Variants in MB21D2 observed in about 807,000 individuals in gnomAD.
MB21D2 encodes the protein nucleotidyltransferase MB21D2.
Under a neutral mutation model 33.3 loss-of-function variants are expected in MB21D2, and 9 were observed. The observed-to-expected ratio is 0.27, with a 90% CI of 0.16 to 0.47. The LOEUF (loss-of-function observed/expected upper bound fraction) is 0.47, where lower values mean the gene tolerates loss of function less well. MB21D2 is among the 20% of genes least tolerant of loss of function. The pLI, the probability that MB21D2 is intolerant of heterozygous loss-of-function variation, is 0.99. For missense variants in MB21D2, 540 were observed against 624.6 expected (o/e 0.86, Z 1.44); for synonymous variants, 241 against 236.3 (o/e 1.02, Z -0.18).
At position 192,831,045 on chromosome 3, in the gene MB21D2, CA is replaced by C. The variant is rs1712304124; in HGVS notation, c.212-31396del. ...CATACCCTTGCGTAGTCCCCTCAAA[CA>C]CTGAATGAGGGTTGGTCTGTGTGGC... is the stretch of plus-strand genomic sequence containing the variant. On this transcript the variant is annotated intron_variant, in intron 1 of 1. Transcript: ENST00000392452. Among the ~76,000 whole-genome samples the C allele has an allele frequency of 3.3e-5, 5 of 152,334 alleles. No homozygotes were observed. The South Asian group carries it at 1.0e-3, about 32-fold the overall frequency.
chr3:192,885,285 G>C (rs566989759), intron 1 of MB21D2, among the ~76,000 whole-genome samples: 2 of 152,188 alleles, frequency 1.3e-5, no homozygotes, highest in African/African-American at 4.8e-5. Context: ...TATCATTTCT[G>C]TCAACGTGGC....
intron 1 of MB21D2, among the ~76,000 whole-genome samples, chr3:192,801,895 T>C (rs1034631576): frequency 1.3e-5 from 2 of 152,266 alleles, no homozygotes; most frequent in African/African-American, 2.4e-5. Context: ...TTTTATTTAG[T>C]ACAATTCTTT....
intron 1 of MB21D2, among the ~76,000 whole-genome samples, chr3:192,832,113 C>G (rs1412243635): frequency 6.6e-6 from 1 of 152,240 alleles, no homozygotes; most frequent in Non-Finnish European, 1.5e-5. Flanking sequence ...TTGATAAATA[C>G]ACACCCAGGC....
intron 1 of MB21D2, among the ~76,000 whole-genome samples, chr3:192,869,280 A>G (rs145301404): frequency 1.0e-4 from 7 of 69,316 alleles, no homozygotes; most frequent in Non-Finnish European, 1.5e-4. Context: ...GAAGGAAGGA[A>G]GGAAGGAGGG....
At chr3:192,843,081 T>C (rs1254684282) in intron 1 of MB21D2, among the ~76,000 whole-genome samples, 1 of 152,156 alleles carries the variant, frequency 6.6e-6, no homozygotes, top group East Asian at 1.9e-4. Flanking sequence ...ACTCATTTTG[T>C]AGTTAGGAAA....
chr3:192,818,300 C>A (rs1340486965), intron 1 of MB21D2, among the ~76,000 whole-genome samples: 1 of 152,132 alleles, frequency 6.6e-6, no homozygotes, highest in Non-Finnish European at 1.5e-5. Flanking sequence ...TGACCTACTA[C>A]AGAATATGTC....
intron 1 of MB21D2, among the ~76,000 whole-genome samples, chr3:192,845,574 C>T (rs956750112): frequency 2.0e-5 from 3 of 152,218 alleles, no homozygotes; most frequent in African/African-American, 4.8e-5. Flanking sequence ...CCATAATTCT[C>T]GCCTCAGCTC....
At chr3:192,878,618 T>A (rs1195724299) in intron 1 of MB21D2, among the ~76,000 whole-genome samples, 1 of 152,140 alleles carries the variant, frequency 6.6e-6, no homozygotes, top group African/African-American at 2.4e-5. Flanking sequence ...ACTGTGAAGA[T>A]CACAATTCTA....
intron 1 of MB21D2, among the ~76,000 whole-genome samples, chr3:192,805,549 A>T: frequency 6.6e-6 from 1 of 152,296 alleles, no homozygotes; most frequent in African/African-American, 2.4e-5. Context: ...AACAGGGCTG[A>T]TTTAAAAGAT....
At chr3:192,895,328 C>T (rs1713942844) in intron 1 of MB21D2, among the ~76,000 whole-genome samples, 2 of 152,202 alleles carry the variant, frequency 1.3e-5, no homozygotes, top group South Asian at 4.1e-4. Context: ...CATAGTCCCC[C>T]ATCATCTCCA....
At chr3:192,842,844 G>A (rs1712602692) in intron 1 of MB21D2, among the ~76,000 whole-genome samples, 1 of 152,204 alleles carries the variant, frequency 6.6e-6, no homozygotes. Context: ...CACTGTGCAT[G>A]TTAAGTGCAG....
chr3:192,909,616 G>C (rs1008760146), intron 1 of MB21D2, among the ~76,000 whole-genome samples: 2 of 151,850 alleles, frequency 1.3e-5, no homozygotes, highest in Non-Finnish European at 2.9e-5. Context: ...TGTTTCCATG[G>C]ACCCAGGTTA....
intron 1 of MB21D2, among the ~76,000 whole-genome samples, chr3:192,912,180 C>T (rs1443376420): frequency 6.6e-6 from 1 of 152,166 alleles, no homozygotes; most frequent in African/African-American, 2.4e-5. Context: ...AAATATCCTG[C>T]TAGAGTTGGT....
chr3:192,872,832 C>A (rs1299148898), intron 1 of MB21D2, among the ~76,000 whole-genome samples: 1 of 152,078 alleles, frequency 6.6e-6, no homozygotes, highest in African/African-American at 2.4e-5. Context: ...AAAACAGGGG[C>A]CCCAGACAAG....
chr3:192,846,966 G>T (rs1285499530), intron 1 of MB21D2, among the ~76,000 whole-genome samples: 2 of 152,194 alleles, frequency 1.3e-5, no homozygotes, highest in Non-Finnish European at 2.9e-5. Flanking sequence ...CAAGTGGTCT[G>T]ATTTGAGGGT....
In MB21D2 at chr3:192,856,607, G is replaced by A. The variant is rs141160261; in HGVS notation, c.212-56957C>T. ...CTTGCTCTGTCACCCAGGCTGGAGT[G>A]CAGTGGTGCAATCTCAGCTCACTGC... On this transcript the variant is annotated intron_variant, in intron 1 of 1. Transcript: ENST00000392452. Among the ~76,000 whole-genome samples, 20 of 152,170 alleles carry A rather than the reference G, an allele frequency of 1.3e-4. No homozygotes were observed. In the East Asian group the frequency reaches 3.7e-3, roughly 28 times the overall value.
intron 1 of MB21D2, among the ~76,000 whole-genome samples, chr3:192,879,524 AT>A (rs1713514554): frequency 6.6e-6 from 1 of 152,232 alleles, no homozygotes; most frequent in South Asian, 2.1e-4. Context: ...TTTCTAGGTG[AT>A]TAGTGAGATT....
chr3:192,804,430 C>G (rs904196391), intron 1 of MB21D2, among the ~76,000 whole-genome samples: 4 of 76,702 alleles, frequency 5.2e-5, no homozygotes, highest in African/African-American at 2.8e-4. Context: ...AACAGATACA[C>G]ACACACACAC....
intron 1 of MB21D2, among the ~76,000 whole-genome samples, chr3:192,823,370 C>G (rs376095681): frequency 2.0e-5 from 3 of 152,264 alleles, no homozygotes; most frequent in African/African-American, 7.2e-5. Context: ...ACACATTTCT[C>G]TGGCTGGGCA....
Sources: gnomAD v4.1 joint callset for allele counts (sites outside exome capture counted in the v4.1 genomes callset) on GRCh38, gnomAD v4.1.1 for gene constraint, MANE v1.5 for transcripts, NCBI Gene and HGNC (gene_info 2026-07-23, HGNC 2026-07-21) for gene names.